The following STRA8 variants were observed in gnomAD, a reference collection of about 807,000 sequenced individuals.
The protein encoded by STRA8 is stimulated by retinoic acid gene 8 protein homolog.
STRA8 carries 18 observed loss-of-function variants against 37.1 expected under a neutral mutation model. The ratio of observed to expected loss-of-function variants is 0.48; its 90% CI spans 0.34 to 0.72. The LOEUF (loss-of-function observed/expected upper bound fraction) is 0.72, where lower values mean the gene tolerates loss of function less well. STRA8 is among the 30% of genes least tolerant of loss of function. The pLI, the probability that STRA8 is intolerant of heterozygous loss-of-function variation, is 0.01. For synonymous variants in STRA8, 168 were observed against 162.9 expected, an observed-to-expected ratio of 1.03 and a Z score of -0.24; for missense variants, 357 against 410.4, an observed-to-expected ratio of 0.87 and a Z score of 1.13.
intron 1 of STRA8, among the ~76,000 whole-genome samples, chr7:135,235,105 C>T (rs1223712646): frequency 2.0e-5 from 3 of 152,164 alleles, no homozygotes; most frequent in African/African-American, 7.2e-5. Flanking sequence ...CTCCTGAGCT[C>T]AAGTGATCCT....
intron 8 of STRA8, among the ~76,000 whole-genome samples, chr7:135,257,221 G>A (rs1351460730): frequency 6.6e-6 from 1 of 152,220 alleles, no homozygotes; most frequent in Non-Finnish European, 1.5e-5. Context: ...ATGGTTGACT[G>A]GGGTCAGGGA....
chr7:135,252,838 G>A (rs1480105104), intron 7 of STRA8, among the ~76,000 whole-genome samples: 1 of 152,180 alleles, frequency 6.6e-6, no homozygotes, highest in Non-Finnish European at 1.5e-5. Flanking sequence ...CAAGGTGCCA[G>A]CAGAGTCAGA....
intron 8 of STRA8, 41 bp from the exon 9 acceptor site, chr7:135,258,377 C>G: frequency 6.5e-7 from 1 of 1,546,382 alleles, no homozygotes; most frequent in Non-Finnish European, 8.8e-7. Context: ...GCCCAAGACC[C>G]ACAGATAAAA....
chr7:135,240,100 T>C (rs371892104), intron 1 of STRA8, among the ~76,000 whole-genome samples: 61 of 152,198 alleles, frequency 4.0e-4, no homozygotes, highest in African/African-American at 1.3e-3. Flanking sequence ...GTACAGCTGC[T>C]CTCCTTGGCC....
intron 4 of STRA8, 118 bp from the exon 5 acceptor site, chr7:135,245,170 C>T (rs1832527101): frequency 1.5e-6 from 1 of 689,364 alleles, no homozygotes; most frequent in African/African-American, 1.7e-5. Context: ...ATGATGTGTA[C>T]ACCTACACAC....
At chr7:135,233,043 T>C (rs1832316625), upstream of STRA8, among the ~76,000 whole-genome samples, 1 of 152,176 alleles carries the variant, frequency 6.6e-6, no homozygotes, top group Admixed American at 6.5e-5. Context: ...CCCCCACCAG[T>C]GTCAACCAGA....
intron 1 of STRA8, among the ~76,000 whole-genome samples, chr7:135,237,454 C>T (rs1235993290): frequency 6.6e-6 from 1 of 152,196 alleles, no homozygotes; most frequent in Admixed American, 6.5e-5. Flanking sequence ...CCTAGCCAAA[C>T]GGCTAATCTT....
intron 1 of STRA8, among the ~76,000 whole-genome samples, chr7:135,234,757 T>A (rs1293854817): frequency 6.6e-6 from 1 of 152,268 alleles, no homozygotes; most frequent in East Asian, 1.9e-4. Flanking sequence ...CCTCACAAAA[T>A]GCCCTTTTAG....
rs965017998 is a variant in STRA8, at chr7:135,251,758, G to C, written c.880-38G>C. On this transcript the variant is annotated intron_variant, in intron 6 of 8. Coordinates refer to ENST00000662584, the MANE Select transcript of STRA8 (RefSeq NM_001394401.1). ...CCCAGGGCAAGCATGAAATTGTCAA[G>C]TTATTTCCAACACATGAAGTGTTGT... 3.7e-6 allele frequency: 6 copies of C among 1,608,496 alleles called. No individual in the cohort carries two copies. The African/African-American group carries it at 8.0e-5, about 22-fold the overall frequency.
At chr7:135,252,010 G>GAC in intron 7 of STRA8, 141 bp downstream of exon 7, 1 of 732,028 alleles carries the variant, frequency 1.4e-6, no homozygotes, top group Non-Finnish European at 2.3e-6. Flanking sequence ...GGGAGAGAGA[G>GAC]AGAGTGTGTG....
chr7:135,241,631 C>A (rs983690229), intron 2 of STRA8, among the ~76,000 whole-genome samples: 1 of 152,260 alleles, frequency 6.6e-6, no homozygotes. Flanking sequence ...CTCAGCTGCC[C>A]TGCTCCATGG....
At position 135,246,203 on chromosome 7, in the gene STRA8, G is replaced by A. The variant is rs905939529; in HGVS notation, c.594-214G>A. On this transcript the variant is annotated intron_variant, in intron 5 of 8. Coordinates refer to ENST00000662584, the MANE Select transcript of STRA8 (RefSeq NM_001394401.1). This position sits in a 1 kb window ranked among gnomAD's most constrained non-coding sequence, Gnocchi z 5.4. The stretch of plus-strand genomic sequence containing the variant: ...GGCAGGGACTGGGAGAACTTGGGGA[G>A]GGGCCCCAAAGCCCAAGTCTATGTC... 1.7e-5 allele frequency: 11 copies of A among 638,114 alleles called. No individual in the cohort carries two copies. Among genetic ancestry groups the A allele is most frequent in the Non-Finnish European group, 2.4e-5 (9 of 373,492 alleles). The allele number at this position is 638,114 out of a possible 1,614,324, so 39.5% of individuals were successfully genotyped here. A position where few individuals can be genotyped will look rare whatever the true frequency, so the allele number is the denominator to read the frequency against.
chr7:135,246,608 C>T lies in STRA8; in HGVS notation c.785C>T (p.Ala262Val), dbSNP rs763245957. ...CGCGGCCCTGCGACCCTGGCGGAGG[C>T]CTGCCGAGAGCCGGCCTGTGCCGAG... ...KHRGPATLAEACREPACAEGS... is the reference protein window; with the variant it reads ...KHRGPATLAEVCREPACAEGS... Residue 262 changes from alanine to valine, a missense_variant, in exon 6 of 9, where the codon GCC (alanine) becomes GTC (valine). Coordinates refer to ENST00000662584, the MANE Select transcript of STRA8 (RefSeq NM_001394401.1). The surrounding 1 kb of genome is among the most constrained non-coding windows in gnomAD (Gnocchi z 5.4). The T allele has an allele frequency of 6.5e-7, 1 of 1,539,652 alleles. No homozygotes were observed. The highest frequency in any genetic ancestry group is 8.7e-7 in the Non-Finnish European group (1 of 1,146,058).
In STRA8 at chr7:135,240,663, T is replaced by G. The variant is rs1395296796; in HGVS notation, c.139T>G (p.Phe47Val). 4 of 1,613,920 alleles carry G rather than the reference T, an allele frequency of 2.5e-6. No individual in the cohort carries two copies. The highest frequency in any genetic ancestry group is 3.4e-6 in the Non-Finnish European group (4 of 1,180,030). Residue 47 changes from phenylalanine to valine, a missense_variant, in exon 2 of 9, where the codon TTC becomes GTC. Physicochemically the swap from Phe to Val is conservative, Grantham distance 50 (BLOSUM62 -1). Transcript: ENST00000662584. ...CCACCGAGCCACCCTGGCAGCGCTC[T>G]TCAACAACCTCAGGAAGACAGTGTA... ...ARHRATLAAL[F>V]NNLRKTVYSQ... is the part of the protein sequence containing the mutation.
In STRA8 at chr7:135,251,888, G is replaced by T; in HGVS notation, c.953+19G>T. On this transcript the variant is annotated intron_variant, in intron 7 of 8. Coordinates refer to ENST00000662584, the MANE Select transcript of STRA8 (RefSeq NM_001394401.1). The stretch of plus-strand genomic sequence containing the variant: ...GCTCCAGGTGAGGAAGAGGGTGTGA[G>T]ATAGCATGTGCCCCTGTGTGGGTGG... The T allele has an allele frequency of 6.2e-7, 1 of 1,612,514 alleles. No individual in the cohort carries two copies. The highest frequency in any genetic ancestry group is 1.7e-5 in the Admixed American group (1 of 60,032).
intron 3 of STRA8, 79 bp from the exon 4 acceptor site, chr7:135,243,247 C>T (rs1832494156): frequency 1.3e-6 from 2 of 1,503,200 alleles, no homozygotes; most frequent in East Asian, 4.5e-5. Context: ...CCACAGCCCA[C>T]CTGGGCCAGA....
rs779678974 is a variant in STRA8 at position 135,240,667 on chromosome 7, A to G, written c.143A>G (p.Asn48Ser). The change falls in exon 2 of 9, where the codon AAC becomes AGC. Residue 48 changes from asparagine (N) to serine (S), a missense_variant. Coordinates refer to ENST00000662584, the MANE Select transcript of STRA8 (RefSeq NM_001394401.1). ...CGAGCCACCCTGGCAGCGCTCTTCA[A>G]CAACCTCAGGAAGACAGTGTACTCT... is the stretch of plus-strand genomic sequence containing the variant. ...RHRATLAALFNNLRKTVYSQS... is the reference protein window; with the variant it reads ...RHRATLAALFSNLRKTVYSQS... 3 of 1,613,964 alleles carry G rather than the reference A, an allele frequency of 1.9e-6. No individual in the cohort carries two copies. Among genetic ancestry groups the G allele is most frequent in the Admixed American group, 3.3e-5 (2 of 59,996 alleles).
chr7:135,246,077 C>A lies in STRA8; in HGVS notation c.594-340C>A. ...TAAAGTTGGAGTCCTATCATGCCAGCACATTCATGGGCTCAGAATTTTCAA... is the reference window on the plus strand; with the variant it reads ...TAAAGTTGGAGTCCTATCATGCCAGAACATTCATGGGCTCAGAATTTTCAA... On this transcript the variant is annotated intron_variant, in intron 5 of 8. Transcript: ENST00000662584. The surrounding 1 kb of genome is among the most constrained non-coding windows in gnomAD (Gnocchi z 5.4). 3.0e-6 allele frequency: 1 copy of A among 337,660 alleles called. No individual in the cohort carries two copies. The highest frequency in any genetic ancestry group is 9.4e-4 in the Middle Eastern group (1 of 1,062). The allele number at this position is 337,660 out of a possible 1,614,324, so 20.9% of individuals were successfully genotyped here.
intron 1 of STRA8, among the ~76,000 whole-genome samples, chr7:135,237,878 C>A (rs1832401978): frequency 6.6e-6 from 1 of 151,790 alleles, no homozygotes; most frequent in Admixed American, 6.6e-5. Flanking sequence ...GGCGACAGAG[C>A]CAGACTCCAT....
Sources: gnomAD v4.1 joint callset for allele counts (sites outside exome capture counted in the v4.1 genomes callset) on GRCh38, gnomAD v4.1.1 for gene constraint, Gnocchi (gnomAD v3.1) non-coding constraint, MANE v1.5 for transcripts, NCBI Gene and HGNC (gene_info 2026-07-23, HGNC 2026-07-21) for gene names.